ITFG1: variants seen among roughly 807,000 people sequenced by gnomAD.
The protein encoded by ITFG1 is integrin alpha FG-GAP repeat containing 1, also known as T-cell immunomodulatory protein.
Under a neutral mutation model 81.8 loss-of-function variants are expected in ITFG1, and 34 were observed. The observed-to-expected ratio is 0.42, with a 90% CI of 0.32 to 0.55. The LOEUF is 0.55. Among genes scored for constraint, ITFG1 ranks in the 20% least tolerant of loss-of-function variants. The pLI is 0.17. For missense variants in ITFG1, 672 were observed against 755.4 expected (o/e 0.89, Z 1.29); for synonymous variants, 285 against 270.6 (o/e 1.05, Z -0.52).
intron 14 of ITFG1, among the ~76,000 whole-genome samples, chr16:47,193,752 T>G (rs1257764862): frequency 6.6e-6 from 1 of 152,186 alleles, no homozygotes; most frequent in Non-Finnish European, 1.5e-5. Flanking sequence ...ATCTTCTCAA[T>G]TACTACTTTT....
At chr16:47,361,683 T>G (rs1319069048) in intron 8 of ITFG1, among the ~76,000 whole-genome samples, 1 of 152,192 alleles carries the variant, frequency 6.6e-6, no homozygotes, top group Non-Finnish European at 1.5e-5. Context: ...TTGGGTAATT[T>G]CTATGACTAA....
intron 8 of ITFG1, among the ~76,000 whole-genome samples, chr16:47,328,370 T>C (rs971303917): frequency 6.6e-6 from 1 of 152,008 alleles, no homozygotes; most frequent in African/African-American, 2.4e-5. Flanking sequence ...TACCTAATGC[T>C]AAGTGACGAA....
intron 11 of ITFG1, 60 bp downstream of exon 11, chr16:47,260,485 A>G (rs1966196390): frequency 1.3e-6 from 2 of 1,557,998 alleles, no homozygotes; most frequent in South Asian, 1.1e-5. Flanking sequence ...GAATGAAGCT[A>G]AAGTGTGACA....
intron 10 of ITFG1, among the ~76,000 whole-genome samples, chr16:47,272,906 T>C (rs1567442526): frequency 6.7e-6 from 1 of 148,682 alleles, no homozygotes; most frequent in African/African-American, 2.5e-5. Context: ...TATTTGTATA[T>C]CTAGTATGCA....
In ITFG1 at chr16:47,319,613, GT is replaced by G. The variant is rs577203161; in HGVS notation, c.803-5791del. Among the ~76,000 whole-genome samples the G allele has an allele frequency of 6.0e-3, 905 of 151,702 alleles. 8 individuals carry two copies. Among genetic ancestry groups the G allele is most frequent in the African/African-American group, 0.021 (864 of 41,392 alleles). The stretch of plus-strand genomic sequence containing the variant: ...AGGGTTGAGACTTACTAAAATTATT[GT>G]TTTTTTTGCAGAAAGAATTACTAAG... On this transcript the variant is annotated intron_variant, in intron 8 of 17. Transcript: ENST00000320640.
intron 5 of ITFG1, among the ~76,000 whole-genome samples, chr16:47,441,285 T>C (rs938541689): frequency 1.3e-5 from 2 of 152,166 alleles, no homozygotes; most frequent in African/African-American, 2.4e-5. Context: ...TCTGAAACTA[T>C]TCCAATCAAT....
intron 8 of ITFG1, among the ~76,000 whole-genome samples, chr16:47,315,782 CA>C (rs1567457101): frequency 8.0e-6 from 1 of 125,550 alleles, no homozygotes; most frequent in African/African-American, 4.5e-5. Context: ...TATATATACA[CA>C]TATATATAAT....
At chr16:47,175,493 C>G (rs992357026) in intron 14 of ITFG1, among the ~76,000 whole-genome samples, 1 of 152,046 alleles carries the variant, frequency 6.6e-6, no homozygotes, top group Non-Finnish European at 1.5e-5. Context: ...ATTTCAGCAG[C>G]CTAATTCCAA....
chr16:47,320,065 G>A (rs1468752427), intron 8 of ITFG1, among the ~76,000 whole-genome samples: 1 of 152,134 alleles, frequency 6.6e-6, no homozygotes, highest in Non-Finnish European at 1.5e-5. Context: ...AGGATTATGG[G>A]CGTGTGCCAC....
intron 5 of ITFG1, among the ~76,000 whole-genome samples, chr16:47,431,037 G>T (rs11863453): frequency 0.27 from 41,169 of 152,038 alleles, 5,774 homozygotes; most frequent in Non-Finnish European, 0.31. Flanking sequence ...GTACAAAATG[G>T]ATGATCCTTA....
In ITFG1 at chr16:47,258,639, T is replaced by C; in HGVS notation, c.1323A>G (p.Lys441=). 7.2e-7 allele frequency: 1 copy of C among 1,384,824 alleles called. No homozygotes were observed. The highest frequency in any genetic ancestry group is 1.0e-6 in the Non-Finnish European group (1 of 985,402). The allele number at this position is 1,384,824 out of a possible 1,614,324, so 85.8% of individuals were successfully genotyped here. The change falls in exon 12 of 18, where the codon AAA becomes AAG. Residue 441 remains lysine (K), a synonymous_variant. Transcript: ENST00000320640. ...TGTTAGTACTTTACTCACCAATAAC[T>C]TTAACAAAATAAGCATCTGCTTCAA... ...NNFEADAYFV[K]VIVLSGLCSN...
At chr16:47,282,534 GA>G (rs748056757) in intron 10 of ITFG1, among the ~76,000 whole-genome samples, 4 of 152,182 alleles carry the variant, frequency 2.6e-5, no homozygotes, top group Admixed American at 1.3e-4. Flanking sequence ...TTGCTACTAT[GA>G]ATAGTGCTGC....
intron 6 of ITFG1, among the ~76,000 whole-genome samples, chr16:47,379,717 T>C (rs1968371985): frequency 1.3e-5 from 2 of 150,102 alleles, no homozygotes; most frequent in Non-Finnish European, 3.0e-5. Context: ...GATTCTGTAG[T>C]TGGATCACCT....
chr16:47,245,764 T>A (rs530989073), intron 12 of ITFG1, among the ~76,000 whole-genome samples: 30 of 152,220 alleles, frequency 2.0e-4, no homozygotes, highest in Admixed American at 1.9e-3. Context: ...AATTTTCTTT[T>A]ACAAATAGTC....
intron 7 of ITFG1, among the ~76,000 whole-genome samples, chr16:47,373,694 T>C (rs1451492743): frequency 6.6e-6 from 1 of 152,170 alleles, no homozygotes; most frequent in African/African-American, 2.4e-5. Context: ...GCCAGGGTCA[T>C]CCACACTCAC....
intron 13 of ITFG1, among the ~76,000 whole-genome samples, chr16:47,227,409 C>T (rs1244868715): frequency 6.6e-6 from 1 of 152,096 alleles, no homozygotes; most frequent in Non-Finnish European, 1.5e-5. Context: ...TAAATTTAGA[C>T]ATATTAGTGA....
At chr16:47,433,885 T>C (rs1328175762) in intron 5 of ITFG1, among the ~76,000 whole-genome samples, 2 of 124,802 alleles carry the variant, frequency 1.6e-5, no homozygotes, top group Non-Finnish European at 3.3e-5. Context: ...TATATATATA[T>C]ATATATATAT....
intron 6 of ITFG1, among the ~76,000 whole-genome samples, chr16:47,423,534 T>C (rs991397952): frequency 6.6e-6 from 1 of 152,212 alleles, no homozygotes; most frequent in African/African-American, 2.4e-5. Flanking sequence ...GCATTGATGG[T>C]CTTTACCATT....
At chr16:47,317,300 T>C (rs1264949551) in intron 8 of ITFG1, among the ~76,000 whole-genome samples, 6 of 152,180 alleles carry the variant, frequency 3.9e-5, no homozygotes, top group Non-Finnish European at 7.3e-5. Flanking sequence ...AACTAAAGTG[T>C]TATTGTTCTT....
Sources: gnomAD v4.1 joint callset for allele counts (sites outside exome capture counted in the v4.1 genomes callset) on GRCh38, gnomAD v4.1.1 for gene constraint, MANE v1.5 for transcripts, NCBI Gene and HGNC (gene_info 2026-07-23, HGNC 2026-07-21) for gene names.